The following TOM1 variants were observed in gnomAD, a reference collection of about 807,000 sequenced individuals.
TOM1 encodes target of Myb protein 1.
Under a neutral mutation model 61.3 loss-of-function variants are expected in TOM1, and 38 were observed. That is an observed-to-expected ratio of 0.62 (90% CI 0.48 to 0.81). TOM1 has a LOEUF of 0.81. Ranked by LOEUF, TOM1 falls within the 40% of genes least tolerant of loss-of-function variation. The pLI is 0.00. For missense variants in TOM1, 591 were observed against 659.6 expected (o/e 0.90, Z 1.14); for synonymous variants, 270 against 268.8 (o/e 1.00, Z -0.04).
chr22:35,345,724 G>A lies in TOM1; in HGVS notation c.1225-1G>A, dbSNP rs762290638. On this transcript the variant is annotated splice_acceptor_variant, in intron 12 of 14. Coordinates refer to ENST00000449058, the MANE Select transcript of TOM1 (RefSeq NM_005488.3). LOFTEE classifies it high-confidence loss of function. Reference sequence around the variant, plus strand: ...GCCTTACCCTCTGCCCTTCCTTCCAGATCCCAGTCACCCAGGCCTGCCTCA... The same window carrying A: ...GCCTTACCCTCTGCCCTTCCTTCCAAATCCCAGTCACCCAGGCCTGCCTCA... 2.5e-6 allele frequency: 4 copies of A among 1,614,092 alleles called. No individual in the cohort carries two copies. In the East Asian group the frequency reaches 8.9e-5, roughly 36 times the overall value.
At chr22:35,300,214 A>G (rs761119697) in intron 1 of TOM1, among the ~76,000 whole-genome samples, 3 of 152,224 alleles carry the variant, frequency 2.0e-5, no homozygotes, top group Non-Finnish European at 4.4e-5. Flanking sequence ...GTAAGGAGAG[A>G]GGGTGGGTCC....
At chr22:35,299,688 C>T (rs1644652469), upstream of TOM1, 7 of 562,572 alleles carry the variant, frequency 1.2e-5, no homozygotes, top group Non-Finnish European at 1.6e-5. Flanking sequence ...GGGCCCCGAC[C>T]CCAGACCCTA....
chr22:35,309,643 C>CAA lies in TOM1; in HGVS notation c.53-8218_53-8217dup, dbSNP rs537199618. ...TGGGCAACAGAGTGAGACTCCATCT[C>CAA]AAAAAAAAAAAAAAAAAGAGAGAGA... On this transcript the variant is annotated intron_variant, in intron 1 of 14. Coordinates refer to ENST00000449058, the MANE Select transcript of TOM1 (RefSeq NM_005488.3). Among the ~76,000 whole-genome samples, 240 of 111,088 alleles carry CAA rather than the reference C, an allele frequency of 2.2e-3. 2 individuals carry two copies. The highest frequency in any genetic ancestry group is 0.013 in the South Asian group (43 of 3,330). The allele number at this position is 111,088 out of a possible 152,430, so 72.9% of individuals were successfully genotyped here.
intron 12 of TOM1, among the ~76,000 whole-genome samples, chr22:35,341,299 T>TA (rs1277222723): frequency 2.0e-5 from 3 of 152,306 alleles, no homozygotes; most frequent in Admixed American, 6.5e-5. Flanking sequence ...TTACGGCACT[T>TA]ACGCTTCGCA....
In TOM1 at chr22:35,347,446, C is replaced by A; in HGVS notation, c.*237C>A. 3 of 446,454 alleles carry A rather than the reference C, an allele frequency of 6.7e-6. No individual in the cohort carries two copies. Among genetic ancestry groups the A allele is most frequent in the East Asian group, 7.4e-5 (2 of 27,042 alleles). The allele number at this position is 446,454 out of a possible 1,614,324, so 27.7% of individuals were successfully genotyped here. A position where few individuals can be genotyped will look rare whatever the true frequency, so the allele number is the denominator to read the frequency against. ...GGCTGCTCTGCCTCCTTTCCCACCC[C>A]AGCTGACCATGAGACTTTGCTGAGA... On this transcript the variant is annotated 3_prime_UTR_variant, in exon 15 of 15. Transcript: ENST00000449058.
rs372011654 is a variant in TOM1, at chr22:35,330,671, C to T, written c.899+191C>T. Among the ~76,000 whole-genome samples the T allele has an allele frequency of 6.6e-5, 10 of 152,304 alleles. No individual in the cohort carries two copies. In the East Asian group the frequency reaches 1.4e-3, roughly 21 times the overall value. On this transcript the variant is annotated intron_variant, in intron 8 of 14. Transcript: ENST00000449058. ...GTTTATGAGGGCCCCTCCTTCCAGC[C>T]GCCCTGTATCTCCTTTCCAGGGTTA...
chr22:35,340,568 G>A (rs1929789713), intron 12 of TOM1, among the ~76,000 whole-genome samples: 1 of 152,060 alleles, frequency 6.6e-6, no homozygotes, highest in Non-Finnish European at 1.5e-5. Context: ...GCAACATGGG[G>A]AAACCCCATC....
rs1316071274 is a variant in TOM1, at chr22:35,323,875, A to G, written c.609A>G (p.Ile203Met). 1.2e-6 allele frequency: 2 copies of G among 1,601,490 alleles called. No individual in the cohort carries two copies. Among genetic ancestry groups the G allele is most frequent in the Admixed American group, 1.7e-5 (1 of 58,198 alleles). The change falls in exon 6 of 15, where the codon ATA (isoleucine) becomes ATG (methionine). Residue 203 changes from isoleucine (I) to methionine (M), a missense_variant. Coordinates refer to ENST00000449058, the MANE Select transcript of TOM1 (RefSeq NM_005488.3). This position sits in a 1 kb window ranked among gnomAD's most constrained non-coding sequence, Gnocchi z 4.2. ...CTGCCCCTCTGCCCGCCCCGCCCAT[A>G]CTCTCCGGTGACACGCCCATAGCAC... The part of the protein sequence containing the change: ...QHAAPLPAPP[I>M]LSGDTPIAPT...
chr22:35,336,972 G>A (rs1016885103), intron 11 of TOM1, among the ~76,000 whole-genome samples: 6 of 148,328 alleles, frequency 4.0e-5, no homozygotes, highest in East Asian at 4.0e-4. Context: ...CCGGAGTCTC[G>A]CTCTGTCTCT....
chr22:35,329,311 A>T (rs1042031328), intron 7 of TOM1, among the ~76,000 whole-genome samples: 16 of 152,318 alleles, frequency 1.1e-4, no homozygotes, highest in African/African-American at 3.8e-4. Context: ...AAAGTCGGTG[A>T]CGTGATAACT....
chr22:35,347,308 T>TAACAA lies in TOM1; in HGVS notation c.*99_*100insAACAA. On this transcript the variant is annotated 3_prime_UTR_variant, in exon 15 of 15. Coordinates refer to ENST00000449058, the MANE Select transcript of TOM1 (RefSeq NM_005488.3). Reference sequence around the variant, plus strand: ...TCTGGTGTTAAGGCTGCTTTGGGGGTGGCTTGTTACCCCCTTTTCCTCCTC... The same window carrying TAACAA: ...TCTGGTGTTAAGGCTGCTTTGGGGGTAACAAGGCTTGTTACCCCCTTTTCCTCCTC... 1 of 1,345,878 alleles carries TAACAA rather than the reference T, an allele frequency of 7.4e-7. No homozygotes were observed. The highest frequency in any genetic ancestry group is 1.0e-6 in the Non-Finnish European group (1 of 999,658). 83.4% of individuals were successfully genotyped at this position (1,345,878 alleles called of 1,614,324 possible). A position where few individuals can be genotyped will look rare whatever the true frequency, so the allele number is the denominator to read the frequency against.
intron 1 of TOM1, among the ~76,000 whole-genome samples, chr22:35,312,183 G>A (rs1038153867): frequency 5.3e-5 from 8 of 151,380 alleles, no homozygotes; most frequent in African/African-American, 1.9e-4. Context: ...GACGGAAGTT[G>A]CAGTGAGCCG....
chr22:35,313,581 C>T (rs143595470), intron 1 of TOM1, among the ~76,000 whole-genome samples: 64 of 152,294 alleles, frequency 4.2e-4, no homozygotes, highest in African/African-American at 1.5e-3. Context: ...GGTGCAAAAA[C>T]AGAGACTCAG....
chr22:35,301,067 A>C (rs1315464067), intron 1 of TOM1, among the ~76,000 whole-genome samples: 2 of 129,958 alleles, frequency 1.5e-5, no homozygotes, highest in Non-Finnish European at 3.5e-5. Context: ...AAAAAAAAAA[A>C]AATACAGAAA....
At chr22:35,313,741 C>T (rs1927041464) in intron 1 of TOM1, among the ~76,000 whole-genome samples, 1 of 152,168 alleles carries the variant, frequency 6.6e-6, no homozygotes, top group South Asian at 2.1e-4. Context: ...TGCACCAGAC[C>T]CAATAGGGAG....
chr22:35,344,827 G>A (rs1355856903), intron 12 of TOM1: 2 of 152,344 alleles, frequency 1.3e-5, no homozygotes, highest in South Asian at 2.1e-4. Flanking sequence ...GCCAGGCCCT[G>A]TGCTAAGCTT....
intron 11 of TOM1, chr22:35,335,653 G>A (rs142753294): frequency 8.1e-4 from 125 of 155,030 alleles, no homozygotes; most frequent in African/African-American, 2.8e-3. Flanking sequence ...ATGCTGTTGC[G>A]CTGTCCTTCC....
intron 1 of TOM1, among the ~76,000 whole-genome samples, chr22:35,301,884 A>G (rs564637904): frequency 1.2e-4 from 18 of 152,286 alleles, no homozygotes; most frequent in Admixed American, 7.9e-4. Context: ...CCTCTCATCT[A>G]TATTTCTCTG....
At chr22:35,330,746 C>T (rs1191626656) in intron 8 of TOM1, among the ~76,000 whole-genome samples, 1 of 152,236 alleles carries the variant, frequency 6.6e-6, no homozygotes, top group Admixed American at 6.5e-5. Flanking sequence ...TCACAGGTCA[C>T]AGCTGAGAGC....
Sources: allele counts gnomAD v4.1 joint callset (sites outside exome capture counted in the v4.1 genomes callset), GRCh38; gene constraint gnomAD v4.1.1; non-coding constraint Gnocchi (gnomAD v3.1); transcripts MANE v1.5; gene names NCBI Gene and HGNC (gene_info 2026-07-23, HGNC 2026-07-21).